Variants in CNTN6 observed in about 807,000 individuals in gnomAD.
The protein encoded by CNTN6 is contactin-6.
CNTN6 carries 137 observed loss-of-function variants against 122.8 expected under a neutral mutation model. The ratio of observed to expected loss-of-function variants is 1.12; its 90% CI spans 0.97 to 1.29. The LOEUF is 1.29. Among genes scored for constraint, CNTN6 ranks in the 50% most tolerant of loss-of-function variants. The pLI, the probability that CNTN6 is intolerant of heterozygous loss-of-function variation, is 0.00. For synonymous variants in CNTN6, 570 were observed against 426.0 expected (o/e 1.34, Z -4.16); for missense variants, 1,634 against 1,223.4 (o/e 1.34, Z -5.01).
intron 17 of CNTN6, among the ~76,000 whole-genome samples, chr3:1,377,870 G>A (rs1710105295): frequency 6.6e-6 from 1 of 152,156 alleles, no homozygotes; most frequent in Non-Finnish European, 1.5e-5. Flanking sequence ...TGACTTTGGT[G>A]TGCTCTAGTT....
chr3:1,169,003 A>G (rs1281693442), intron 2 of CNTN6, among the ~76,000 whole-genome samples: 1 of 152,158 alleles, frequency 6.6e-6, no homozygotes, highest in Non-Finnish European at 1.5e-5. Flanking sequence ...TGGCAAGGGA[A>G]AGCCAAAGTC....
intron 4 of CNTN6, among the ~76,000 whole-genome samples, chr3:1,244,080 G>A (rs572273586): frequency 9.2e-5 from 14 of 152,278 alleles, no homozygotes; most frequent in Admixed American, 2.6e-4. Context: ...GAAATCGAAC[G>A]TGCCGTTTTC....
intron 1 of CNTN6, among the ~76,000 whole-genome samples, chr3:1,143,953 G>T (rs906015412): frequency 2.0e-5 from 3 of 152,180 alleles, no homozygotes; most frequent in Non-Finnish European, 4.4e-5. Context: ...GATTGTACAT[G>T]AATCACTCAA....
At chr3:1,394,052 C>A in intron 20 of CNTN6, 2 of 158,310 alleles carry the variant, frequency 1.3e-5, no homozygotes, top group South Asian at 1.7e-4. Flanking sequence ...TCCCCAAGGT[C>A]ACACAGCAAT....
At chr3:1,227,751 T>C (rs2125551096) in intron 3 of CNTN6, 67 bp from the exon 4 acceptor site, 4 of 1,508,222 alleles carry the variant, frequency 2.7e-6, no homozygotes, top group East Asian at 4.5e-5. Context: ...TAGAACTACA[T>C]GTTTTTTAAG....
intron 4 of CNTN6, among the ~76,000 whole-genome samples, chr3:1,269,315 C>T (rs1203613223): frequency 1.3e-5 from 2 of 152,184 alleles, no homozygotes; most frequent in African/African-American, 4.8e-5. Flanking sequence ...TGTTCCATCA[C>T]TAAGCCTTTT....
chr3:1,393,496 A>T (rs1259661166), intron 20 of CNTN6, among the ~76,000 whole-genome samples: 8 of 147,978 alleles, frequency 5.4e-5, no homozygotes, highest in African/African-American at 2.0e-4. Context: ...AGCATGGCAC[A>T]TGTATACATA....
intron 17 of CNTN6, among the ~76,000 whole-genome samples, chr3:1,378,056 C>G (rs921186964): frequency 8.6e-5 from 13 of 152,032 alleles, no homozygotes; most frequent in Non-Finnish European, 1.8e-4. Context: ...TTTGGTGGTC[C>G]ATTTCCAGAC....
intron 4 of CNTN6, among the ~76,000 whole-genome samples, chr3:1,268,818 C>G (rs938194945): frequency 6.7e-6 from 1 of 149,694 alleles, no homozygotes; most frequent in Non-Finnish European, 1.5e-5. Flanking sequence ...GAAAAAAAAG[C>G]CAGTTTAAAA....
At chr3:1,277,346 C>CTTTGTTTTTTTTTTTT (rs1692561262) in intron 4 of CNTN6, among the ~76,000 whole-genome samples, 1 of 80,172 alleles carries the variant, frequency 1.2e-5, no homozygotes, top group East Asian at 3.7e-4. Context: ...AGTAGGTTTT[C>CTTTGTTTTTTTTTTTT]TTTTTTTTTT....
At chr3:1,160,002 G>T (rs1478945079) in intron 2 of CNTN6, among the ~76,000 whole-genome samples, 1 of 151,960 alleles carries the variant, frequency 6.6e-6, no homozygotes, top group African/African-American at 2.4e-5. Flanking sequence ...TGTATTTTTA[G>T]TAGGGACAAG....
intron 3 of CNTN6, among the ~76,000 whole-genome samples, chr3:1,224,735 C>T (rs1182097657): frequency 6.6e-6 from 1 of 151,844 alleles, no homozygotes; most frequent in African/African-American, 2.4e-5. Flanking sequence ...ACACAGCCCA[C>T]AACCATTATT....
chr3:1,376,620 A>C (rs3841919), intron 16 of CNTN6, among the ~76,000 whole-genome samples: 2,568 of 149,706 alleles, frequency 0.017, 33 homozygotes, highest in South Asian at 0.03. Flanking sequence ...TTGTTTATTG[A>C]AAAAAAATAA....
intron 3 of CNTN6, among the ~76,000 whole-genome samples, chr3:1,223,441 C>G (rs1345996418): frequency 6.6e-6 from 1 of 152,134 alleles, no homozygotes; most frequent in Non-Finnish European, 1.5e-5. Flanking sequence ...AGAGCTTAAG[C>G]TTGCCCATGA....
At chr3:1,301,947 A>G (rs768669029) in intron 7 of CNTN6, among the ~76,000 whole-genome samples, 1 of 152,236 alleles carries the variant, frequency 6.6e-6, no homozygotes, top group African/African-American at 2.4e-5. Context: ...CATTGCAAAC[A>G]TACTGAAAAT....
chr3:1,239,338 A>C (rs1189235066), intron 4 of CNTN6, among the ~76,000 whole-genome samples: 1 of 152,218 alleles, frequency 6.6e-6, no homozygotes, highest in Non-Finnish European at 1.5e-5. Context: ...ATACAAAATT[A>C]AAGTACACAA....
chr3:1,402,148 T>G (rs1392573176), intron 21 of CNTN6, among the ~76,000 whole-genome samples, 170 bp from the exon 22 acceptor site: 1 of 152,030 alleles, frequency 6.6e-6, no homozygotes, highest in African/African-American at 2.4e-5. Flanking sequence ...ACACCTCTTT[T>G]TCTTAACAGG....
At chr3:1,271,530 G>T (rs1013724326) in intron 4 of CNTN6, among the ~76,000 whole-genome samples, 1 of 152,162 alleles carries the variant, frequency 6.6e-6, no homozygotes, top group Non-Finnish European at 1.5e-5. Flanking sequence ...GTATGTGCTG[G>T]TGGGCGGTGC....
At chr3:1,228,078 C>T (rs1162291083) in intron 4 of CNTN6, 85 bp downstream of exon 4, 17 of 1,311,694 alleles carry the variant, frequency 1.3e-5, no homozygotes, top group South Asian at 5.4e-5. Context: ...CTAGCTTTGC[C>T]AATGATATAT....
Sources: gnomAD v4.1 joint callset for allele counts (sites outside exome capture counted in the v4.1 genomes callset) on GRCh38, gnomAD v4.1.1 for gene constraint, MANE v1.5 for transcripts, NCBI Gene and HGNC (gene_info 2026-07-23, HGNC 2026-07-21) for gene names.